The following KDM4A variants were observed in gnomAD, a reference collection of about 807,000 sequenced individuals.
The protein encoded by KDM4A is lysine-specific demethylase 4A.
A neutral mutation model predicts 127.1 loss-of-function variants in KDM4A; 23 were observed. That is an observed-to-expected ratio of 0.18 (90% CI 0.13 to 0.26). The LOEUF is 0.26. Among genes scored for constraint, KDM4A ranks in the 10% least tolerant of loss-of-function variants. The probability of loss-of-function intolerance (pLI) is 1.00; values close to 1 mark genes in which losing one functional copy is unlikely to be tolerated. For synonymous variants in KDM4A, 443 were observed against 466.5 expected, an observed-to-expected ratio of 0.95 and a Z score of 0.65; for missense variants, 890 against 1,329.1, an observed-to-expected ratio of 0.67 and a Z score of 5.14.
intron 6 of KDM4A, 151 bp downstream of exon 6, chr1:43,665,896 G>A (rs1464207341): frequency 2.8e-6 from 2 of 716,240 alleles, no homozygotes; most frequent in East Asian, 5.4e-5. Flanking sequence ...ACCTTAAGAG[G>A]GCAGTGACGG....
At position 43,692,276 on chromosome 1, in the gene KDM4A, A is replaced by G. The variant is rs1661135355; in HGVS notation, c.2340A>G (p.Leu780=). 6.2e-7 allele frequency: 1 copy of G among 1,614,044 alleles called. No individual in the cohort carries two copies. Among genetic ancestry groups the G allele is most frequent in the African/African-American group, 1.3e-5 (1 of 74,916 alleles). The stretch of plus-strand genomic sequence containing the variant: ...GGCAGGACTGCTGTTTATGCTCATT[A>G]CGAGGAGGGGCCCTGCAGAGAGCAA... ...ALEEDCCLCS[L]RGGALQRAND... is the part of the protein sequence containing the mutation. The change falls in exon 16 of 22, where the codon TTA becomes TTG. Residue 780 remains leucine, a synonymous_variant. Coordinates refer to ENST00000372396, the MANE Select transcript of KDM4A (RefSeq NM_014663.3).
At chr1:43,685,111 G>C (rs1031671319) in intron 12 of KDM4A, among the ~76,000 whole-genome samples, 3 of 152,136 alleles carry the variant, frequency 2.0e-5, no homozygotes, top group African/African-American at 7.2e-5. Flanking sequence ...GGGGACCAAG[G>C]GGGGTGAGCA....
intron 11 of KDM4A, among the ~76,000 whole-genome samples, chr1:43,679,630 T>C (rs1004861761): frequency 6.6e-6 from 1 of 152,150 alleles, no homozygotes; most frequent in African/African-American, 2.4e-5. Context: ...ACTGCAGTTT[T>C]TGGTAAAAGC....
intron 11 of KDM4A, among the ~76,000 whole-genome samples, chr1:43,681,382 A>G (rs1306723454): frequency 4.6e-5 from 7 of 152,064 alleles, no homozygotes; most frequent in African/African-American, 1.7e-4. Flanking sequence ...TTCTCCCACC[A>G]TTGTAATTCT....
Position 43,688,857 on chromosome 1 carries a change from G to T in KDM4A, c.1856-57G>T. On this transcript the variant is annotated intron_variant, in intron 12 of 21. Transcript: ENST00000372396. The surrounding 1 kb of genome is among the most constrained non-coding windows in gnomAD (Gnocchi z 4.4). The stretch of plus-strand genomic sequence containing the variant: ...CTAGTGGAACTCATCTGTTCTCCAG[G>T]CAGAGCCACAGATGTGCAGGGTTAG... 6.7e-7 allele frequency: 1 copy of T among 1,501,256 alleles called. No individual in the cohort carries two copies. 93.0% of individuals were successfully genotyped at this position (1,501,256 alleles called of 1,614,324 possible).
chr1:43,671,713 T>C lies in KDM4A; in HGVS notation c.1572T>C (p.Asp524=). The C allele has an allele frequency of 2.5e-6, 4 of 1,613,732 alleles. No homozygotes were observed. Among genetic ancestry groups the C allele is most frequent in the Non-Finnish European group, 3.4e-6 (4 of 1,179,836 alleles). The change falls in exon 11 of 22, where the codon GAT becomes GAC. Residue 524 remains aspartate (D), a synonymous_variant. Coordinates refer to ENST00000372396, the MANE Select transcript of KDM4A (RefSeq NM_014663.3). ...CTTCACGGGATTCTATCTCTTCTGA[T>C]TCAGAAACTAGTGAGCCTCTCTCCT... ...SGSSRDSISS[D]SETSEPLSCR... is the part of the protein sequence containing the mutation.
At chr1:43,669,649 ATTTTTTTT>A (rs35764940) in intron 10 of KDM4A, among the ~76,000 whole-genome samples, 1 of 141,182 alleles carries the variant, frequency 7.1e-6, no homozygotes, top group African/African-American at 2.6e-5. Context: ...GGAGATGGGA[ATTTTTTTT>A]TTTTTTTTTG....
chr1:43,700,885 T>C (rs933429658), intron 19 of KDM4A, among the ~76,000 whole-genome samples: 1 of 152,118 alleles, frequency 6.6e-6, no homozygotes, highest in African/African-American at 2.4e-5. Flanking sequence ...CACTGGCCTA[T>C]CGACAGCCTC....
intron 15 of KDM4A, 63 bp downstream of exon 15, chr1:43,691,635 G>A (rs1661114575): frequency 2.6e-5 from 37 of 1,405,274 alleles, no homozygotes; most frequent in Non-Finnish European, 3.5e-5. Context: ...AGGGCCAGAC[G>A]ATTTCATGTT....
chr1:43,668,994 A>T, intron 9 of KDM4A, 106 bp from the exon 10 acceptor site: 1 of 1,166,396 alleles, frequency 8.6e-7, no homozygotes, highest in Non-Finnish European at 1.3e-6. Context: ...GCCAGGCCTG[A>T]CAGGCTCTGG....
chr1:43,663,429 C>G (rs1010274272), intron 5 of KDM4A, among the ~76,000 whole-genome samples: 1 of 152,232 alleles, frequency 6.6e-6, no homozygotes, highest in Middle Eastern at 3.4e-3. Flanking sequence ...GAGTCACTCT[C>G]TCAGATGACA....
At chr1:43,657,211 T>TC (rs1660264415) in intron 3 of KDM4A, among the ~76,000 whole-genome samples, 1 of 146,316 alleles carries the variant, frequency 6.8e-6, no homozygotes, top group East Asian at 2.0e-4. Flanking sequence ...CTTTTATTTA[T>TC]TTTTTTTTTT....
At chr1:43,657,710 C>T (rs1570812871) in intron 3 of KDM4A, among the ~76,000 whole-genome samples, 3 of 152,040 alleles carry the variant, frequency 2.0e-5, no homozygotes, top group East Asian at 3.9e-4. Flanking sequence ...GCTTCAGTCT[C>T]CTCAGCCTTT....
chr1:43,673,454 C>G (rs1318241777), intron 11 of KDM4A, among the ~76,000 whole-genome samples: 3 of 152,072 alleles, frequency 2.0e-5, no homozygotes, highest in Non-Finnish European at 4.4e-5. Flanking sequence ...ACTTGACACT[C>G]AGTCATATTC....
rs1660624800 is a variant in KDM4A, at chr1:43,671,792, G to A, written c.1651G>A (p.Asp551Asn). 6.2e-7 allele frequency: 1 copy of A among 1,611,746 alleles called. No individual in the cohort carries two copies. Among genetic ancestry groups the A allele is most frequent in the Admixed American group, 1.7e-5 (1 of 59,758 alleles). ...VLTVHSYAKG[D>N]GRVTVGEPCT... ...CACTGTGCACAGTTATGCCAAAGGGGATGGCAGGGTCACTGTGGGAGAGCC... is the reference window on the plus strand; with the variant it reads ...CACTGTGCACAGTTATGCCAAAGGGAATGGCAGGGTCACTGTGGGAGAGCC... The change falls in exon 11 of 22, where the codon GAT becomes AAT. Residue 551 changes from aspartate to asparagine, a missense_variant. Asp to Asn is a conservative substitution (Grantham distance 23, BLOSUM62 1). This residue lies in a region of KDM4A where 389 missense variants were observed against 485.9 expected (regional missense o/e 0.80). Coordinates refer to ENST00000372396, the MANE Select transcript of KDM4A (RefSeq NM_014663.3).
rs1371526800 is a variant in KDM4A, at chr1:43,690,935, T to C, written c.2128T>C (p.Cys710Arg). ...GACCAAGCCATTGATTCCAGAAATG[T>C]GCTTCACTTCGACTGGCTGCAGCAC... ...QRTKPLIPEM[C>R]FTSTGCSTDI... Residue 710 changes from cysteine (C) to arginine (R), a missense_variant, in exon 14 of 22, where the codon TGC (cysteine) becomes CGC (arginine). Cys to Arg is a radical substitution (Grantham distance 180, BLOSUM62 -3). This residue lies in a region of KDM4A where 389 missense variants were observed against 485.9 expected (regional missense o/e 0.80). Coordinates refer to ENST00000372396, the MANE Select transcript of KDM4A (RefSeq NM_014663.3). 6.2e-7 allele frequency: 1 copy of C among 1,614,244 alleles called. No individual in the cohort carries two copies. Among genetic ancestry groups the C allele is most frequent in the Non-Finnish European group, 8.5e-7 (1 of 1,180,038 alleles).
chr1:43,694,393 A>G lies in KDM4A; in HGVS notation c.2484+291A>G, dbSNP rs1379735135. Among the ~76,000 whole-genome samples, 2 of 151,962 alleles carry G rather than the reference A, an allele frequency of 1.3e-5. No individual in the cohort carries two copies. The highest frequency in any genetic ancestry group is 1.3e-4 in the Admixed American group (2 of 15,250). On this transcript the variant is annotated intron_variant, in intron 17 of 21. Transcript: ENST00000372396. This position sits in a 1 kb window ranked among gnomAD's most constrained non-coding sequence, Gnocchi z 5.2. ...TAGCTGGGAGTGGTGGTGCGCACCT[A>G]TAATCCCAGCTCCTCGGGAATCTGA...
chr1:43,695,039 G>A, intron 18 of KDM4A, 145 bp downstream of exon 18: 1 of 801,146 alleles, frequency 1.2e-6, no homozygotes, highest in Admixed American at 2.9e-5. Flanking sequence ...TTGAGAGGTG[G>A]CCCCTGTCCA....
chr1:43,691,068 T>C lies in KDM4A; in HGVS notation c.2242+19T>C. The C allele has an allele frequency of 6.2e-7, 1 of 1,612,702 alleles. No homozygotes were observed. Among genetic ancestry groups the C allele is most frequent in the Non-Finnish European group, 8.5e-7 (1 of 1,179,346 alleles). On this transcript the variant is annotated intron_variant, in intron 14 of 21. Coordinates refer to ENST00000372396, the MANE Select transcript of KDM4A (RefSeq NM_014663.3). ...CATGCCAGTGAGTGCTGCTCACCTTTCTCTGTGTCCTGTCCCAGGAGTATG... is the reference window on the plus strand; with the variant it reads ...CATGCCAGTGAGTGCTGCTCACCTTCCTCTGTGTCCTGTCCCAGGAGTATG...
Sources: gnomAD v4.1 joint callset for allele counts (sites outside exome capture counted in the v4.1 genomes callset) on GRCh38, gnomAD v4.1.1 for gene constraint, gnomAD v4.1.1 regional missense constraint, Gnocchi (gnomAD v3.1) non-coding constraint, MANE v1.5 for transcripts, NCBI Gene and HGNC (gene_info 2026-07-23, HGNC 2026-07-21) for gene names.